RSPO2: variants seen among roughly 807,000 people sequenced by gnomAD.
The protein encoded by RSPO2 is R-spondin-2.
Under a neutral mutation model 30.9 loss-of-function variants are expected in RSPO2, and 14 were observed. The observed-to-expected ratio is 0.45, with a 90% CI of 0.30 to 0.71. RSPO2 has a LOEUF of 0.71. Ranked by LOEUF, RSPO2 falls within the 30% of genes least tolerant of loss-of-function variation. The probability of loss-of-function intolerance (pLI) is 0.08; values close to 1 mark genes in which losing one functional copy is unlikely to be tolerated. For synonymous variants in RSPO2, 107 were observed against 96.4 expected (o/e 1.11, Z -0.64); for missense variants, 264 against 301.9 (o/e 0.87, Z 0.93).
chr8:108,076,092 G>A (rs1813005676), intron 2 of RSPO2, among the ~76,000 whole-genome samples: 1 of 152,240 alleles, frequency 6.6e-6, no homozygotes, highest in African/African-American at 2.4e-5. Flanking sequence ...GAAAATTCCA[G>A]GAAGGCTTCA....
chr8:107,916,750 T>G (rs1304834544), intron 5 of RSPO2, among the ~76,000 whole-genome samples: 1 of 152,162 alleles, frequency 6.6e-6, no homozygotes, highest in South Asian at 2.1e-4. Context: ...TTAATTGTTT[T>G]TCCATAGGTT....
chr8:107,921,277 T>TACACACAC (rs71308759), intron 5 of RSPO2, among the ~76,000 whole-genome samples: 296 of 148,848 alleles, frequency 2.0e-3, no homozygotes, highest in African/African-American at 7.2e-3. Flanking sequence ...TAGCAGATTT[T>TACACACAC]ACACACACAC....
intron 5 of RSPO2, among the ~76,000 whole-genome samples, chr8:107,926,249 GTTGT>G (rs2130327666): frequency 6.6e-6 from 1 of 152,064 alleles, no homozygotes; most frequent in Admixed American, 6.6e-5. Flanking sequence ...TCTTGATGGG[GTTGT>G]TTTTTTCTTG....
At chr8:108,027,967 A>T (rs2130626894) in intron 2 of RSPO2, among the ~76,000 whole-genome samples, 1 of 152,270 alleles carries the variant, frequency 6.6e-6, no homozygotes, top group Non-Finnish European at 1.5e-5. Flanking sequence ...TAACCATATC[A>T]AGAAGTTCAG....
At chr8:107,943,752 C>T (rs1472217265) in intron 5 of RSPO2, among the ~76,000 whole-genome samples, 1 of 152,196 alleles carries the variant, frequency 6.6e-6, no homozygotes, top group Admixed American at 6.5e-5. Context: ...ATCTGAAATG[C>T]AACAGACACT....
intron 2 of RSPO2, among the ~76,000 whole-genome samples, chr8:108,023,142 A>T (rs895920681): frequency 6.6e-6 from 1 of 152,202 alleles, no homozygotes; most frequent in South Asian, 2.1e-4. Context: ...TGACTCAATC[A>T]AGTTTTCAAA....
At chr8:108,026,828 T>C (rs916456278) in intron 2 of RSPO2, among the ~76,000 whole-genome samples, 4 of 152,018 alleles carry the variant, frequency 2.6e-5, no homozygotes, top group African/African-American at 9.7e-5. Context: ...ATCATGCCAC[T>C]GCACTCCAGC....
At chr8:107,925,558 T>C (rs1401888000) in intron 5 of RSPO2, among the ~76,000 whole-genome samples, 1 of 148,348 alleles carries the variant, frequency 6.7e-6, no homozygotes, top group Non-Finnish European at 1.5e-5. Flanking sequence ...TCCCCCCTCC[T>C]CCCACCCCAC....
chr8:108,059,806 A>C lies in RSPO2; in HGVS notation c.94+22739T>G, dbSNP rs1037777632. ...TCATAGGTGGGAATTGAACAATGAG[A>C]ACACATGGACACAGGAAGGGGAACA... On this transcript the variant is annotated intron_variant, in intron 2 of 5. Transcript: ENST00000276659. Among the ~76,000 whole-genome samples the C allele has an allele frequency of 2.6e-4, 37 of 143,422 alleles. 2 individuals carry two copies. Among genetic ancestry groups the C allele is most frequent in the African/African-American group, 8.7e-4 (33 of 38,058 alleles). 94.1% of individuals were successfully genotyped at this position (143,422 alleles called of 152,430 possible). A position where few individuals can be genotyped will look rare whatever the true frequency, so the allele number is the denominator to read the frequency against.
chr8:107,976,822 C>A (rs921444062), intron 3 of RSPO2, among the ~76,000 whole-genome samples: 1 of 152,106 alleles, frequency 6.6e-6, no homozygotes, highest in African/African-American at 2.4e-5. Flanking sequence ...AACTATTGCA[C>A]AAAATAAAGC....
intron 5 of RSPO2, among the ~76,000 whole-genome samples, chr8:107,940,974 C>CT (rs1191009193): frequency 6.6e-6 from 1 of 152,010 alleles, no homozygotes; most frequent in Non-Finnish European, 1.5e-5. Flanking sequence ...GCATTTGGTT[C>CT]TTTTTTTAAT....
At chr8:108,062,901 C>T (rs989661707) in intron 2 of RSPO2, among the ~76,000 whole-genome samples, 3 of 151,838 alleles carry the variant, frequency 2.0e-5, no homozygotes, top group African/African-American at 7.3e-5. Context: ...AAATGTAATC[C>T]AGCATATAAA....
At chr8:108,040,590 CT>C (rs1811725620) in intron 2 of RSPO2, among the ~76,000 whole-genome samples, 4 of 152,112 alleles carry the variant, frequency 2.6e-5, no homozygotes, top group Admixed American at 2.6e-4. Flanking sequence ...TGAGAACTAT[CT>C]TCCAGGCACT....
At chr8:107,944,495 A>C (rs567509239) in intron 5 of RSPO2, among the ~76,000 whole-genome samples, 1 of 152,300 alleles carries the variant, frequency 6.6e-6, no homozygotes, top group Non-Finnish European at 1.5e-5. Flanking sequence ...GCCAAGTTTC[A>C]TACTGGTCTT....
chr8:108,003,269 GTGTGTGTGTATA>G (rs1815313410), intron 2 of RSPO2, among the ~76,000 whole-genome samples: 27 of 87,002 alleles, frequency 3.1e-4, no homozygotes, highest in South Asian at 7.5e-4. Context: ...GTGTGTGTGT[GTGTGTGTGTATA>G]TATATATATA....
chr8:108,010,996 G>A (rs983501665), intron 2 of RSPO2, among the ~76,000 whole-genome samples: 1 of 151,904 alleles, frequency 6.6e-6, no homozygotes, highest in Non-Finnish European at 1.5e-5. Flanking sequence ...AGTGGGGCAT[G>A]GTAGTGCACA....
intron 3 of RSPO2, among the ~76,000 whole-genome samples, chr8:107,982,890 A>G (rs894955029): frequency 6.6e-6 from 1 of 152,156 alleles, no homozygotes; most frequent in Non-Finnish European, 1.5e-5. Flanking sequence ...TTAAATGTCA[A>G]TATTAATATA....
At chr8:107,973,281 T>TGG (rs551349917) in intron 3 of RSPO2, among the ~76,000 whole-genome samples, 2,100 of 146,024 alleles carry the variant, frequency 0.014, 43 homozygotes, top group South Asian at 0.054. Flanking sequence ...AAAAAAAAAA[T>TGG]GGGGGGGGAA....
intron 3 of RSPO2, 95 bp downstream of exon 3, chr8:107,988,961 C>T (rs1333296502): frequency 8.5e-7 from 1 of 1,178,666 alleles, no homozygotes; most frequent in Non-Finnish European, 1.2e-6. Context: ...ATTACAAACA[C>T]ATTTTTTTTA....
Sources: allele counts gnomAD v4.1 joint callset (sites outside exome capture counted in the v4.1 genomes callset), GRCh38; gene constraint gnomAD v4.1.1; transcripts MANE v1.5; gene names NCBI Gene and HGNC (gene_info 2026-07-23, HGNC 2026-07-21).